The following EPHA6 variants were observed in gnomAD, a reference collection of about 807,000 sequenced individuals.
EPHA6 encodes the protein ephrin type-A receptor 6.
EPHA6 carries 50 observed loss-of-function variants against 112.0 expected under a neutral mutation model. The ratio of observed to expected loss-of-function variants is 0.45; its 90% confidence interval spans 0.36 to 0.56. The LOEUF is 0.56. EPHA6 is among the 20% of genes least tolerant of loss of function. The probability of loss-of-function intolerance (pLI) is 0.00; values close to 1 mark genes in which losing one functional copy is unlikely to be tolerated. For synonymous variants in EPHA6, 529 were observed against 490.7 expected, an observed-to-expected ratio of 1.08 and a Z score of -1.03; for missense variants, 1,280 against 1,417.4, an observed-to-expected ratio of 0.90 and a Z score of 1.56.
intron 5 of EPHA6, among the ~76,000 whole-genome samples, chr3:97,396,142 G>A (rs2086680270): frequency 6.6e-6 from 1 of 151,302 alleles, no homozygotes; most frequent in Admixed American, 6.6e-5. Context: ...GGCTTATAAG[G>A]TCTATCTTCA....
At chr3:97,350,991 G>C (rs1400032776) in intron 5 of EPHA6, among the ~76,000 whole-genome samples, 2 of 152,082 alleles carry the variant, frequency 1.3e-5, no homozygotes, top group Non-Finnish European at 2.9e-5. Flanking sequence ...TACATCTCCT[G>C]CTCAGCCTAT....
chr3:96,851,200 G>C (rs1260042993), intron 1 of EPHA6, among the ~76,000 whole-genome samples: 1 of 151,974 alleles, frequency 6.6e-6, no homozygotes, highest in Non-Finnish European at 1.5e-5. Context: ...AATCTTTCCA[G>C]GGTTCCCTAT....
At position 96,845,259 on chromosome 3, in the gene EPHA6, T is replaced by C. The variant is rs528511415; in HGVS notation, c.386-21566T>C. ...AAAATGTAAGTTGCATTTCTTCAAA[T>C]ACAATCAGTCTGTAAGAATTCAAGG... On this transcript the variant is annotated intron_variant, in intron 1 of 17. Coordinates refer to ENST00000389672, the MANE Select transcript of EPHA6 (RefSeq NM_001080448.3). Among the ~76,000 whole-genome samples, 12 of 152,160 alleles carry C rather than the reference T, an allele frequency of 7.9e-5. No individual in the cohort carries two copies. The South Asian group carries it at 2.3e-3, about 29-fold the overall frequency.
At chr3:96,917,853 A>G (rs766286660) in intron 2 of EPHA6, among the ~76,000 whole-genome samples, 2 of 152,180 alleles carry the variant, frequency 1.3e-5, no homozygotes, top group African/African-American at 2.4e-5. Flanking sequence ...ATGAAAAAAT[A>G]GTGTTATGAC....
rs977109125 is a variant in EPHA6, at chr3:96,870,922, A to G, written c.450+4033A>G. Reference sequence around the variant, plus strand: ...AAGAAGTAATTCATCATAGTAGAAGATTTCAGTATTACATTTTGATTCATC... The same window carrying G: ...AAGAAGTAATTCATCATAGTAGAAGGTTTCAGTATTACATTTTGATTCATC... On this transcript the variant is annotated intron_variant, in intron 2 of 17. Coordinates refer to ENST00000389672, the MANE Select transcript of EPHA6 (RefSeq NM_001080448.3). 2.0e-5 allele frequency among the ~76,000 whole-genome samples: 3 copies of G among 152,158 alleles called. No individual in the cohort carries two copies. The South Asian group carries it at 6.2e-4, about 32-fold the overall frequency.
At chr3:97,698,163 C>T (rs902209334) in intron 14 of EPHA6, among the ~76,000 whole-genome samples, 5 of 152,026 alleles carry the variant, frequency 3.3e-5, no homozygotes, top group African/African-American at 9.7e-5. Flanking sequence ...CCACCATGCC[C>T]GGCTAATTTT....
intron 14 of EPHA6, among the ~76,000 whole-genome samples, chr3:97,688,569 C>T (rs1460635110): frequency 7.7e-4 from 83 of 107,734 alleles, no homozygotes; most frequent in African/African-American, 2.8e-3. Flanking sequence ...ACACTGGGGC[C>T]TGTCATGGGG....
At chr3:96,930,362 C>T (rs1239255682) in intron 2 of EPHA6, among the ~76,000 whole-genome samples, 1 of 152,130 alleles carries the variant, frequency 6.6e-6, no homozygotes, top group Non-Finnish European at 1.5e-5. Flanking sequence ...TTTAAGGTTG[C>T]TGACCTTTGA....
At chr3:97,474,507 A>G (rs1270973619) in intron 7 of EPHA6, among the ~76,000 whole-genome samples, 1 of 151,922 alleles carries the variant, frequency 6.6e-6, no homozygotes, top group African/African-American at 2.4e-5. Flanking sequence ...GGCTTGGGCA[A>G]TTTCTTTAAT....
chr3:97,365,803 C>A (rs1577108325), intron 5 of EPHA6, among the ~76,000 whole-genome samples: 1 of 152,156 alleles, frequency 6.6e-6, no homozygotes, highest in South Asian at 2.1e-4. Context: ...TGAAAGGTAA[C>A]TTTAGGTTTG....
At chr3:97,240,196 T>TTGATA (rs2078803125) in intron 4 of EPHA6, among the ~76,000 whole-genome samples, 2 of 151,876 alleles carry the variant, frequency 1.3e-5, no homozygotes, top group African/African-American at 4.8e-5. Flanking sequence ...CAATATCATA[T>TTGATA]CAGTGAACAT....
chr3:96,959,670 G>C (rs2041889496), intron 2 of EPHA6, among the ~76,000 whole-genome samples: 1 of 151,748 alleles, frequency 6.6e-6, no homozygotes. Flanking sequence ...ATTAATTTTT[G>C]TGTATTGTGT....
chr3:97,372,556 G>A (rs114785314), intron 5 of EPHA6, among the ~76,000 whole-genome samples: 2,000 of 152,076 alleles, frequency 0.013, 29 homozygotes, highest in South Asian at 0.041. Flanking sequence ...ATTTTTTATA[G>A]GAATATGTAA....
chr3:97,756,173 A>G lies in EPHA6; in HGVS notation c.*7472A>G, dbSNP rs1352564875. On this transcript the variant is annotated 3_prime_UTR_variant, in exon 18 of 18. Transcript: ENST00000389672. ...TAATATAATTATTAAAGTCATGAGG[A>G]AGTTTTTCTTTGACTGTGCATGCTT... is the stretch of plus-strand genomic sequence containing the variant. Among the ~76,000 whole-genome samples, 1 of 151,958 alleles carries G rather than the reference A, an allele frequency of 6.6e-6. No individual in the cohort carries two copies. Among genetic ancestry groups the G allele is most frequent in the Non-Finnish European group, 1.5e-5 (1 of 67,844 alleles).
At chr3:96,877,931 T>TATA (rs1559793917) in intron 2 of EPHA6, among the ~76,000 whole-genome samples, 43 of 120,196 alleles carry the variant, frequency 3.6e-4, no homozygotes, top group South Asian at 2.4e-4. Flanking sequence ...ATATATATAT[T>TATA]TTTTTTTTTT....
intron 5 of EPHA6, among the ~76,000 whole-genome samples, chr3:97,292,989 G>C (rs1237492138): frequency 3.3e-5 from 5 of 151,806 alleles, no homozygotes; most frequent in Non-Finnish European, 7.4e-5. Context: ...GAAGACCCAT[G>C]GTGTCTAACT....
At chr3:97,725,331 T>A (rs2107810586) in intron 15 of EPHA6, among the ~76,000 whole-genome samples, 1 of 152,146 alleles carries the variant, frequency 6.6e-6, no homozygotes, top group East Asian at 1.9e-4. Context: ...ACAAAAACCA[T>A]GCCAGGGAAA....
intron 10 of EPHA6, among the ~76,000 whole-genome samples, chr3:97,502,211 C>T (rs2092139360): frequency 6.7e-6 from 1 of 149,466 alleles, no homozygotes; most frequent in South Asian, 2.1e-4. Context: ...CTCTATCGCC[C>T]ACGCTGGAGT....
chr3:97,718,059 G>A (rs966123885), intron 14 of EPHA6, among the ~76,000 whole-genome samples: 1 of 152,196 alleles, frequency 6.6e-6, no homozygotes, highest in Non-Finnish European at 1.5e-5. Flanking sequence ...CATGAGAAAT[G>A]CCAGATGGGA....
Sources: gnomAD v4.1 joint callset for allele counts (sites outside exome capture counted in the v4.1 genomes callset) on GRCh38, gnomAD v4.1.1 for gene constraint, MANE v1.5 for transcripts, NCBI Gene and HGNC (gene_info 2026-07-23, HGNC 2026-07-21) for gene names.